The following ECHDC1 variants were observed in gnomAD, a reference collection of about 807,000 sequenced individuals.
ECHDC1 encodes the protein ethylmalonyl-CoA decarboxylase.
A neutral mutation model predicts 29.7 loss-of-function variants in ECHDC1; 29 were observed. The ratio of observed to expected loss-of-function variants is 0.98; its 90% CI spans 0.73 to 1.33. The LOEUF is 1.33. Ranked by LOEUF, ECHDC1 falls within the 40% of genes most tolerant of loss-of-function variation. The pLI is 0.00. For synonymous variants in ECHDC1, 126 were observed against 123.1 expected, an observed-to-expected ratio of 1.02 and a Z score of -0.15; for missense variants, 328 against 350.0, an observed-to-expected ratio of 0.94 and a Z score of 0.50.
intron 3 of ECHDC1, chr6:127,326,670 G>A (rs549580984): frequency 9.5e-5 from 36 of 377,230 alleles, no homozygotes; most frequent in Non-Finnish European, 1.7e-4. Flanking sequence ...ATTTGAGGGG[G>A]CTGGAGTAAC....
intron 3 of ECHDC1, chr6:127,326,608 AT>A (rs1209033846): frequency 1.5e-5 from 6 of 409,090 alleles, no homozygotes; most frequent in Non-Finnish European, 2.5e-5. Context: ...AATTAAAAAT[AT>A]TTTTTAAAAA....
chr6:127,334,624 A>C (rs1184771544), intron 1 of ECHDC1, among the ~76,000 whole-genome samples: 1 of 152,076 alleles, frequency 6.6e-6, no homozygotes, highest in South Asian at 2.1e-4. Context: ...TTCTCGTCTG[A>C]TATCTCTACA....
intron 3 of ECHDC1, 57 bp downstream of exon 3, chr6:127,326,945 T>C: frequency 5.3e-6 from 8 of 1,518,762 alleles, no homozygotes; most frequent in Non-Finnish European, 7.2e-6. Flanking sequence ...TAAATGTATC[T>C]GCCATACATG....
At chr6:127,336,717 T>C (rs1170677147) in intron 1 of ECHDC1, among the ~76,000 whole-genome samples, 1 of 152,114 alleles carries the variant, frequency 6.6e-6, no homozygotes, top group Non-Finnish European at 1.5e-5. Context: ...GTGATAAGCA[T>C]AGAAAATTCA....
intron 2 of ECHDC1, among the ~76,000 whole-genome samples, chr6:127,328,620 T>C (rs1028735263): frequency 1.6e-4 from 24 of 152,248 alleles, no homozygotes. Context: ...TATCGTTCTT[T>C]TGCTTTCAAG....
intron 1 of ECHDC1, among the ~76,000 whole-genome samples, chr6:127,333,498 T>A (rs1784148326): frequency 6.6e-6 from 1 of 152,104 alleles, no homozygotes; most frequent in South Asian, 2.1e-4. Context: ...TACATACCCA[T>A]GTCTGATGGG....
intron 5 of ECHDC1, among the ~76,000 whole-genome samples, chr6:127,311,668 T>TAAAA (rs1562316162): frequency 9.8e-5 from 1 of 10,254 alleles, no homozygotes; most frequent in Non-Finnish European, 2.3e-4. Flanking sequence ...AGGCTCTGTC[T>TAAAA]CAAAAAAAAA....
chr6:127,295,097 C>T lies in ECHDC1; in HGVS notation c.498-4820G>A, dbSNP rs561825540. Among the ~76,000 whole-genome samples the T allele has an allele frequency of 4.4e-3, 664 of 151,858 alleles. 2 individuals are homozygous for T. Among genetic ancestry groups the T allele is most frequent in the Non-Finnish European group, 7.8e-3 (531 of 67,902 alleles). ...CCAAGTAGCTGGGATTACAGGTGCC[C>T]GCCACCAAGCCCAGCTAATTTTTGT... On this transcript the variant is annotated intron_variant, in intron 5 of 5. Transcript: ENST00000454859.
chr6:127,329,761 C>A, intron 2 of ECHDC1: 1 of 310,888 alleles, frequency 3.2e-6, no homozygotes, highest in South Asian at 2.6e-5. Context: ...TTAATTTTAC[C>A]TTTTTTAAAT....
At chr6:127,295,132 A>G (rs1464030645) in intron 5 of ECHDC1, among the ~76,000 whole-genome samples, 1 of 151,930 alleles carries the variant, frequency 6.6e-6, no homozygotes, top group East Asian at 1.9e-4. Flanking sequence ...TATTTTTAGT[A>G]TAGACGAGGT....
intron 1 of ECHDC1, chr6:127,342,466 A>G (rs2114726640): frequency 7.5e-7 from 1 of 1,338,010 alleles, no homozygotes; most frequent in Non-Finnish European, 1.0e-6. Context: ...AACCCAATAA[A>G]AAATCAAGAA....
Position 127,342,416 on chromosome 6 carries a change from C to T in ECHDC1, c.-3+920G>A, listed in dbSNP as rs1325926761. ...TCCCTTCCTGGAATGTTAATCATTGCAGGAATCCCAGCTGATTATACAGTC... is the reference window on the plus strand; with the variant it reads ...TCCCTTCCTGGAATGTTAATCATTGTAGGAATCCCAGCTGATTATACAGTC... On this transcript the variant is annotated intron_variant, in intron 1 of 5. Transcript: ENST00000454859. The T allele has an allele frequency of 2.6e-6, 4 of 1,536,418 alleles. No homozygotes were observed. The East Asian group carries it at 7.4e-5, about 28-fold the overall frequency.
intron 5 of ECHDC1, among the ~76,000 whole-genome samples, chr6:127,295,741 A>T (rs1780546060): frequency 1.3e-5 from 2 of 152,244 alleles, no homozygotes; most frequent in South Asian, 2.1e-4. Context: ...ATATCCTTTC[A>T]TTAAGTATTT....
chr6:127,308,372 T>C (rs1199748168), intron 5 of ECHDC1, among the ~76,000 whole-genome samples: 1 of 152,130 alleles, frequency 6.6e-6, no homozygotes, highest in Admixed American at 6.5e-5. Flanking sequence ...TGAAACATCA[T>C]ACCAACAGAA....
chr6:127,312,764 T>C (rs1393709074), intron 5 of ECHDC1, among the ~76,000 whole-genome samples: 1 of 152,092 alleles, frequency 6.6e-6, no homozygotes, highest in Non-Finnish European at 1.5e-5. Flanking sequence ...AACAAACCAC[T>C]GGAAAATGCA....
At chr6:127,324,666 G>A (rs1262403904) in intron 3 of ECHDC1, among the ~76,000 whole-genome samples, 1 of 152,152 alleles carries the variant, frequency 6.6e-6, no homozygotes. Flanking sequence ...TTAACTTGGA[G>A]TATCTAATAA....
chr6:127,325,922 T>C (rs1783285060), intron 3 of ECHDC1, among the ~76,000 whole-genome samples: 1 of 152,096 alleles, frequency 6.6e-6, no homozygotes. Flanking sequence ...AGGCTAGTGT[T>C]GAACTCCTGG....
chr6:127,341,720 C>T (rs540397187), intron 1 of ECHDC1: 2 of 152,110 alleles, frequency 1.3e-5, no homozygotes, highest in Non-Finnish European at 2.9e-5. Context: ...TGATCTGTTT[C>T]CCTTTAGTGC....
intron 1 of ECHDC1, chr6:127,342,442 G>A: frequency 6.8e-7 from 1 of 1,477,454 alleles, no homozygotes; most frequent in Non-Finnish European, 9.1e-7. Flanking sequence ...TTATACAGTC[G>A]CCTTTCAGGC....
Sources: gnomAD v4.1 joint callset for allele counts (sites outside exome capture counted in the v4.1 genomes callset) on GRCh38, gnomAD v4.1.1 for gene constraint, MANE v1.5 for transcripts, NCBI Gene and HGNC (gene_info 2026-07-23, HGNC 2026-07-21) for gene names.